CUBN: variants seen among roughly 807,000 people sequenced by gnomAD.
CUBN encodes the protein 460 kDa receptor.
A neutral mutation model predicts 405.3 loss-of-function variants in CUBN; 282 were observed. The observed-to-expected ratio is 0.70, with a 90% CI of 0.63 to 0.77. The LOEUF is 0.77. Among genes scored for constraint, CUBN ranks in the 30% least tolerant of loss-of-function variants. The probability of loss-of-function intolerance (pLI) is 0.00; values close to 1 mark genes in which losing one functional copy is unlikely to be tolerated. For missense variants in CUBN, 4,514 were observed against 4,475.2 expected (o/e 1.01, Z -0.25); for synonymous variants, 1,684 against 1,617.0 (o/e 1.04, Z -0.99).
intron 40 of CUBN, among the ~76,000 whole-genome samples, chr10:16,931,992 A>AT (rs1362753623): frequency 2.6e-5 from 4 of 152,224 alleles, no homozygotes; most frequent in African/African-American, 9.6e-5. Context: ...AAAGTTTTAA[A>AT]TTTCAGTATG....
chr10:16,842,607 T>C (rs950948474), intron 60 of CUBN, among the ~76,000 whole-genome samples: 1 of 152,226 alleles, frequency 6.6e-6, no homozygotes, highest in African/African-American at 2.4e-5. Context: ...GTCCTTCACC[T>C]GTTCCCACTG....
intron 59 of CUBN, among the ~76,000 whole-genome samples, chr10:16,860,731 C>T (rs1343863995): frequency 6.6e-6 from 1 of 152,242 alleles, no homozygotes; most frequent in Admixed American, 6.5e-5. Flanking sequence ...CTGCTTCTCT[C>T]AAATGGAACA....
intron 31 of CUBN, among the ~76,000 whole-genome samples, chr10:16,967,845 G>GAGGGGGAGAGAGAGAAGGAGAGAC (rs1843439101): frequency 1.4e-5 from 1 of 70,904 alleles, no homozygotes; most frequent in Non-Finnish European, 3.3e-5. Flanking sequence ...AGGAGAGACA[G>GAGGGGGAGAGAGAGAAGGAGAGAC]AGGGAGAGAG....
Position 16,869,628 on chromosome 10 carries a change from ATTC to A in CUBN, c.9454+5_9454+7del. 6.2e-7 allele frequency: 1 copy of A among 1,604,014 alleles called. No individual in the cohort carries two copies. The highest frequency in any genetic ancestry group is 1.1e-5 in the South Asian group (1 of 90,870). On this transcript the variant is annotated splice_donor_5th_base_variant and intron_variant, in intron 59 of 66. Transcript: ENST00000377833. ...TGACAAATAGATTTACAAGTCCAGA[ATTC>A]TTACCCAATGTCTGCCGGAAAGACA...
intron 21 of CUBN, among the ~76,000 whole-genome samples, 200 bp from the exon 22 acceptor site, chr10:17,065,838 A>G (rs1835602909): frequency 6.6e-6 from 1 of 152,196 alleles, no homozygotes; most frequent in South Asian, 2.1e-4. Flanking sequence ...TATCCCTGAA[A>G]TGGTTTTAGG....
intron 14 of CUBN, among the ~76,000 whole-genome samples, chr10:17,092,291 A>G (rs925400754): frequency 6.6e-6 from 1 of 152,162 alleles, no homozygotes; most frequent in Non-Finnish European, 1.5e-5. Flanking sequence ...AGTTACAGAA[A>G]ATGGACTGAC....
intron 54 of CUBN, among the ~76,000 whole-genome samples, chr10:16,892,423 G>C (rs1841059200): frequency 6.6e-6 from 1 of 151,888 alleles, no homozygotes; most frequent in African/African-American, 2.4e-5. Flanking sequence ...AACAGTATAT[G>C]GCAGTTTTTT....
intron 59 of CUBN, among the ~76,000 whole-genome samples, chr10:16,861,659 A>T (rs771060095): frequency 2.0e-4 from 31 of 152,054 alleles, no homozygotes; most frequent in Admixed American, 6.6e-4. Context: ...GACCTCAATG[A>T]GATGTACAAA....
At chr10:17,074,327 T>C (rs897144931) in intron 17 of CUBN, among the ~76,000 whole-genome samples, 1 of 152,062 alleles carries the variant, frequency 6.6e-6, no homozygotes, top group Non-Finnish European at 1.5e-5. Flanking sequence ...ACCTTTTTGG[T>C]TTTGTGTTAA....
intron 13 of CUBN, among the ~76,000 whole-genome samples, chr10:17,101,800 A>T (rs953794632): frequency 2.0e-5 from 3 of 152,152 alleles, no homozygotes; most frequent in Non-Finnish European, 4.4e-5. Flanking sequence ...TTCGAACCAC[A>T]TGCACCTGGA....
intron 33 of CUBN, 112 bp from the exon 34 acceptor site, chr10:16,950,223 A>C: frequency 1.4e-6 from 1 of 719,824 alleles, no homozygotes; most frequent in Non-Finnish European, 2.5e-6. Flanking sequence ...AAATAGAAGG[A>C]ATGAGTAAGA....
intron 21 of CUBN, among the ~76,000 whole-genome samples, chr10:17,065,880 G>A (rs939227450): frequency 2.0e-5 from 3 of 152,186 alleles, no homozygotes; most frequent in African/African-American, 4.8e-5. Context: ...TGTCATGTAT[G>A]AGAAGTTTAA....
rs768090435 is a variant in CUBN at position 16,906,215 on chromosome 10, C to T, written c.7900G>A (p.Glu2634Lys). 15 of 1,612,664 alleles carry T rather than the reference C, an allele frequency of 9.3e-6. No homozygotes were observed. The highest frequency in any genetic ancestry group is 1.7e-5 in the Admixed American group (1 of 60,018). The change falls in exon 50 of 67, where the codon GAG (glutamate) becomes AAG (lysine). Residue 2634 changes from glutamate to lysine, a missense_variant. Transcript: ENST00000377833. ...AGATAGAACTCACCCACTCGAAACTCGAGGACATCAAATTGACAGTCTTGG... is the reference window on the plus strand; with the variant it reads ...AGATAGAACTCACCCACTCGAAACTTGAGGACATCAAATTGACAGTCTTGG... ...SHQDCQFDVLEFRVGDADGPL... is the reference protein window; with the variant it reads ...SHQDCQFDVLKFRVGDADGPL...
intron 28 of CUBN, among the ~76,000 whole-genome samples, chr10:17,010,705 C>A (rs772112118): frequency 6.6e-5 from 10 of 152,168 alleles, no homozygotes; most frequent in African/African-American, 2.2e-4. Context: ...AGAACTTCTA[C>A]AAGCTTAGTT....
intron 35 of CUBN, among the ~76,000 whole-genome samples, chr10:16,948,055 A>T (rs1842832250): frequency 6.6e-6 from 1 of 152,200 alleles, no homozygotes. Context: ...CTAAAAATAC[A>T]AAAATTAGCC....
intron 66 of CUBN, among the ~76,000 whole-genome samples, chr10:16,828,081 G>A (rs17139292): frequency 0.018 from 2,744 of 152,222 alleles, 88 homozygotes; most frequent in African/African-American, 0.062. Flanking sequence ...ATAGAGCCAC[G>A]TGTCCAAATT....
At chr10:16,835,619 T>TC (rs1839145704) in intron 63 of CUBN, among the ~76,000 whole-genome samples, 1 of 151,804 alleles carries the variant, frequency 6.6e-6, no homozygotes, top group Non-Finnish European at 1.5e-5. Flanking sequence ...TACCTTTTTT[T>TC]TTTTTTTGGT....
chr10:16,982,379 G>C (rs1198684228), intron 31 of CUBN, 105 bp downstream of exon 31: 1 of 1,037,476 alleles, frequency 9.6e-7, no homozygotes, highest in Non-Finnish European at 1.5e-6. Context: ...CCTATGAATC[G>C]ACATTAAAAA....
chr10:16,861,375 C>CTGG (rs1840008309), intron 59 of CUBN, among the ~76,000 whole-genome samples: 1 of 152,042 alleles, frequency 6.6e-6, no homozygotes, highest in Non-Finnish European at 1.5e-5. Context: ...GTTGGCCAGG[C>CTGG]TGGTCTCAAA....
Sources: allele counts gnomAD v4.1 joint callset (sites outside exome capture counted in the v4.1 genomes callset), GRCh38; gene constraint gnomAD v4.1.1; transcripts MANE v1.5; gene names NCBI Gene and HGNC (gene_info 2026-07-23, HGNC 2026-07-21).